Variants in DLC1 observed in about 807,000 individuals in gnomAD.
DLC1 encodes DLC1 Rho GTPase activating protein.
Under a neutral mutation model 140.3 loss-of-function variants are expected in DLC1, and 54 were observed. That is an observed-to-expected ratio of 0.38 (90% CI 0.31 to 0.48). The LOEUF (loss-of-function observed/expected upper bound fraction) is 0.48. Ranked by LOEUF, DLC1 falls within the 20% of genes least tolerant of loss-of-function variation. The pLI, the probability that DLC1 is intolerant of heterozygous loss-of-function variation, is 0.96. For missense variants in DLC1, 2,536 were observed against 1,907.0 expected, an observed-to-expected ratio of 1.33 and a Z score of -6.14; for synonymous variants, 986 against 728.1, an observed-to-expected ratio of 1.35 and a Z score of -5.70.
intron 2 of DLC1, among the ~76,000 whole-genome samples, chr8:13,458,277 C>G (rs1438642358): frequency 1.3e-5 from 2 of 152,148 alleles, no homozygotes; most frequent in Admixed American, 1.3e-4. Flanking sequence ...TTGGCAAGAT[C>G]CATAATTTTA....
intron 7 of DLC1, among the ~76,000 whole-genome samples, chr8:13,110,202 A>G (rs1179367262): frequency 6.6e-6 from 1 of 152,164 alleles, no homozygotes. Context: ...CAAAACCACA[A>G]TGATCAAGAA....
At chr8:13,581,904 G>T (rs575626961) in intron 1 of DLC1, among the ~76,000 whole-genome samples, 1 of 152,160 alleles carries the variant, frequency 6.6e-6, no homozygotes, top group East Asian at 1.9e-4. Context: ...TGAAGTCCAC[G>T]CATCAAAGGC....
At chr8:13,114,441 G>A (rs902500839) in intron 6 of DLC1, among the ~76,000 whole-genome samples, 4 of 152,134 alleles carry the variant, frequency 2.6e-5, no homozygotes, top group African/African-American at 9.7e-5. Flanking sequence ...GTACGCAGAA[G>A]CTGAGAGAAT....
At chr8:13,278,401 G>C (rs914545888) in intron 5 of DLC1, among the ~76,000 whole-genome samples, 3 of 152,232 alleles carry the variant, frequency 2.0e-5, no homozygotes, top group Middle Eastern at 3.4e-3. Context: ...ATGGCATGAA[G>C]TACCCATGGC....
chr8:13,359,347 T>G (rs1005209024), intron 4 of DLC1, among the ~76,000 whole-genome samples: 2 of 152,294 alleles, frequency 1.3e-5, no homozygotes, highest in Non-Finnish European at 2.9e-5. Context: ...TTTGGCTTTG[T>G]TGGGTAATGT....
chr8:13,295,094 T>A (rs979333796), intron 5 of DLC1, among the ~76,000 whole-genome samples: 3 of 152,152 alleles, frequency 2.0e-5, no homozygotes, highest in African/African-American at 7.2e-5. Flanking sequence ...GGGGAAAATT[T>A]TGAGATAAAT....
intron 2 of DLC1, among the ~76,000 whole-genome samples, chr8:13,434,295 A>T (rs1022402579): frequency 1.3e-5 from 2 of 152,218 alleles, no homozygotes; most frequent in Non-Finnish European, 2.9e-5. Context: ...GTTCTAAACC[A>T]CTGCTCTTTT....
intron 5 of DLC1, among the ~76,000 whole-genome samples, chr8:13,131,915 A>AACTACACGCAGCAG (rs1213780257): frequency 2.0e-5 from 3 of 152,128 alleles, no homozygotes; most frequent in African/African-American, 7.2e-5. Context: ...GGACGCAGCA[A>AACTACACGCAGCAG]ACTACACGCA....
intron 10 of DLC1, among the ~76,000 whole-genome samples, chr8:13,097,741 G>A (rs1278466692): frequency 6.6e-6 from 1 of 152,002 alleles, no homozygotes; most frequent in African/African-American, 2.4e-5. Context: ...TGGGAAGGAG[G>A]TGCCTATACC....
intron 1 of DLC1, among the ~76,000 whole-genome samples, chr8:13,577,173 C>T (rs1173323323): frequency 1.3e-5 from 2 of 152,142 alleles, no homozygotes; most frequent in African/African-American, 4.8e-5. Flanking sequence ...TAAACATCTT[C>T]CGACATTGGA....
At chr8:13,259,604 C>T (rs951688718) in intron 5 of DLC1, among the ~76,000 whole-genome samples, 3 of 151,946 alleles carry the variant, frequency 2.0e-5, no homozygotes, top group Non-Finnish European at 4.4e-5. Flanking sequence ...GTCTTATTTC[C>T]TTCATTTCTT....
At chr8:13,578,558 A>G (rs1804928322) in intron 1 of DLC1, among the ~76,000 whole-genome samples, 1 of 152,074 alleles carries the variant, frequency 6.6e-6, no homozygotes, top group Admixed American at 6.5e-5. Flanking sequence ...GGTAATATTA[A>G]CAGGTTGTCA....
At chr8:13,097,493 G>GCGTC (rs1332165587) in intron 10 of DLC1, among the ~76,000 whole-genome samples, 3 of 151,956 alleles carry the variant, frequency 2.0e-5, no homozygotes, top group African/African-American at 7.3e-5. Context: ...CAAACTCCTG[G>GCGTC]CGTCATGTGA....
At chr8:13,128,520 G>C (rs1185324385) in intron 5 of DLC1, among the ~76,000 whole-genome samples, 3 of 152,198 alleles carry the variant, frequency 2.0e-5, no homozygotes, top group African/African-American at 4.8e-5. Context: ...TCTCGTTGCT[G>C]CCTGGGAGAC....
At chr8:13,304,286 G>A (rs942668304) in intron 5 of DLC1, among the ~76,000 whole-genome samples, 18 of 152,248 alleles carry the variant, frequency 1.2e-4, no homozygotes, top group African/African-American at 4.3e-4. Context: ...CTCTTGAGCT[G>A]ACATATGATG....
chr8:13,539,246 C>A (rs1035956305), intron 1 of DLC1, among the ~76,000 whole-genome samples: 13 of 152,076 alleles, frequency 8.5e-5, no homozygotes, highest in African/African-American at 3.1e-4. Flanking sequence ...GTTGCCCAGG[C>A]TGGAGTGCAG....
chr8:13,230,056 C>T (rs377322254), intron 5 of DLC1, among the ~76,000 whole-genome samples: 4 of 152,156 alleles, frequency 2.6e-5, no homozygotes, highest in African/African-American at 7.2e-5. Context: ...TCATAAAGGA[C>T]ACTGGGAACT....
intron 1 of DLC1, among the ~76,000 whole-genome samples, chr8:13,559,895 C>A (rs1447732440): frequency 6.7e-6 from 1 of 150,008 alleles, no homozygotes. Context: ...TAGCACTGCC[C>A]AAAGGCTGAT....
At chr8:13,354,379 T>C (rs184217726) in intron 4 of DLC1, among the ~76,000 whole-genome samples, 28 of 152,282 alleles carry the variant, frequency 1.8e-4, no homozygotes, top group South Asian at 1.0e-3. Flanking sequence ...AATGAGACTA[T>C]CCTCCTCGCC....
Sources: gnomAD v4.1 joint callset for allele counts (sites outside exome capture counted in the v4.1 genomes callset) on GRCh38, gnomAD v4.1.1 for gene constraint, MANE v1.5 for transcripts, NCBI Gene and HGNC (gene_info 2026-07-23, HGNC 2026-07-21) for gene names.